The following NAF1 variants were observed in gnomAD, a reference collection of about 807,000 sequenced individuals.
NAF1 encodes nuclear assembly factor 1 ribonucleoprotein.
A neutral mutation model predicts 40.6 loss-of-function variants in NAF1; 11 were observed. The ratio of observed to expected loss-of-function variants is 0.27; its 90% CI spans 0.17 to 0.45. The LOEUF is 0.45. NAF1 is among the 20% of genes least tolerant of loss of function. NAF1 has a pLI of 1.00. For synonymous variants in NAF1, 260 were observed against 228.5 expected (o/e 1.14, Z -1.24); for missense variants, 607 against 611.1 (o/e 0.99, Z 0.07).
downstream of NAF1, among the ~76,000 whole-genome samples, chr4:163,122,838 T>C (rs544548489): frequency 5.8e-4 from 88 of 152,292 alleles, no homozygotes; most frequent in South Asian, 9.1e-3. Context: ...TGCCTTGATA[T>C]TGGACTTCCC....
chr4:163,153,602 G>A (rs1035109585), intron 2 of NAF1, among the ~76,000 whole-genome samples: 2 of 152,156 alleles, frequency 1.3e-5, no homozygotes, highest in Non-Finnish European at 2.9e-5. Context: ...AGCTGCTCTG[G>A]TGGGGCCTTG....
intron 2 of NAF1, among the ~76,000 whole-genome samples, chr4:163,117,827 T>C (rs1730396185): frequency 6.6e-6 from 1 of 152,052 alleles, no homozygotes; most frequent in Admixed American, 6.6e-5. Flanking sequence ...CATATAAAGA[T>C]CAACCCAAAA....
chr4:163,114,793 A>G (rs977389769), intron 2 of NAF1, among the ~76,000 whole-genome samples: 2 of 152,288 alleles, frequency 1.3e-5, no homozygotes, highest in Admixed American at 6.5e-5. Flanking sequence ...GTAAAATTAC[A>G]TATTTTGTCC....
intron 2 of NAF1, among the ~76,000 whole-genome samples, chr4:163,115,677 C>T (rs1446526396): frequency 1.3e-5 from 2 of 152,026 alleles, no homozygotes; most frequent in South Asian, 4.1e-4. Context: ...TTTTTTGTGA[C>T]TGGGCTGACA....
intron 2 of NAF1, among the ~76,000 whole-genome samples, chr4:163,160,521 G>C (rs1400779757): frequency 2.6e-5 from 4 of 152,132 alleles, no homozygotes; most frequent in African/African-American, 9.7e-5. Flanking sequence ...TACATAGTTA[G>C]ATCGCAGAGA....
chr4:163,166,721 C>T lies in NAF1; in HGVS notation c.7G>A (p.Val3Ile), dbSNP rs376190930. Residue 3 changes from valine (V) to isoleucine (I), a missense_variant, in exon 1 of 8, where the codon GTA becomes ATA. By Grantham distance (29) the Val-to-Ile change is conservative. Transcript: ENST00000274054. ME[V>I]VEAAAAQLET... The stretch of plus-strand genomic sequence containing the variant: ...AGCTGAGCGGCGGCGGCCTCCACTA[C>T]CTCCATCGCACCGCGCCAGAAACCG... 11 of 1,613,362 alleles carry T rather than the reference C, an allele frequency of 6.8e-6. No individual in the cohort carries two copies. Among genetic ancestry groups the T allele is most frequent in the Non-Finnish European group, 9.3e-6 (11 of 1,179,972 alleles).
downstream of NAF1, among the ~76,000 whole-genome samples, chr4:163,107,093 TCTCCTGC>T (rs1730060887): frequency 6.6e-6 from 1 of 152,098 alleles, no homozygotes; most frequent in Non-Finnish European, 1.5e-5. Context: ...TTCAAGTGAT[TCTCCTGC>T]CTTAGCCTCC....
intron 5 of NAF1, among the ~76,000 whole-genome samples, chr4:163,137,859 TATA>T (rs1380012303): frequency 2.6e-5 from 4 of 152,098 alleles, no homozygotes; most frequent in Non-Finnish European, 5.9e-5. Flanking sequence ...TGAAGGACAA[TATA>T]ATGACTGGCA....
rs1193416572 is a variant in NAF1 at position 163,166,493 on chromosome 4, G to C, written c.235C>G (p.Pro79Ala). ...PVLNAVAAGT[P>A]APQPQPPAES... The stretch of plus-strand genomic sequence containing the variant: ...GCCGGTGGCTGTGGCTGCGGCGCCG[G>C]GGTCCCGGCCGCGACGGCGTTCAGA... The change falls in exon 1 of 8, where the codon CCG becomes GCG. Residue 79 changes from proline (P) to alanine (A), a missense_variant. By Grantham distance (27) the Pro-to-Ala change is conservative. Coordinates refer to ENST00000274054, the MANE Select transcript of NAF1 (RefSeq NM_138386.3). 1.3e-6 allele frequency: 2 copies of C among 1,599,514 alleles called. No individual in the cohort carries two copies. The highest frequency in any genetic ancestry group is 1.1e-5 in the South Asian group (1 of 89,802).
intron 2 of NAF1, among the ~76,000 whole-genome samples, chr4:163,118,783 AT>A (rs1294268001): frequency 6.6e-6 from 1 of 152,132 alleles, no homozygotes; most frequent in Admixed American, 6.6e-5. Flanking sequence ...AATAAAACTT[AT>A]TTTATATGAG....
At chr4:163,152,832 A>G (rs1731772500) in intron 2 of NAF1, among the ~76,000 whole-genome samples, 1 of 152,186 alleles carries the variant, frequency 6.6e-6, no homozygotes, top group Non-Finnish European at 1.5e-5. Flanking sequence ...CTCAGCTTGC[A>G]GAGAGGTGTG....
intron 2 of NAF1, among the ~76,000 whole-genome samples, chr4:163,110,748 G>C (rs1232289020): frequency 6.6e-6 from 1 of 152,076 alleles, no homozygotes; most frequent in Non-Finnish European, 1.5e-5. Context: ...TTTCCATCAA[G>C]TTAAATTCTA....
chr4:163,108,068 GA>G (rs77954064), downstream of NAF1, among the ~76,000 whole-genome samples: 92 of 152,278 alleles, frequency 6.0e-4, no homozygotes, highest in East Asian at 9.6e-4. Flanking sequence ...TGGAAATTAA[GA>G]AAATTTTTTT....
downstream of NAF1, among the ~76,000 whole-genome samples, chr4:163,124,344 T>C (rs900166703): frequency 3.3e-5 from 5 of 152,300 alleles, no homozygotes; most frequent in African/African-American, 1.2e-4. Context: ...CTTCTTCACA[T>C]GGTGGATGAG....
intron 7 of NAF1, among the ~76,000 whole-genome samples, chr4:163,130,325 T>A (rs922598640): frequency 3.9e-5 from 6 of 152,118 alleles, no homozygotes; most frequent in Non-Finnish European, 8.8e-5. Flanking sequence ...TAAAAATGCT[T>A]CAACAAGATA....
chr4:163,140,912 A>G (rs1731235340), intron 4 of NAF1, among the ~76,000 whole-genome samples: 1 of 152,242 alleles, frequency 6.6e-6, no homozygotes, highest in Non-Finnish European at 1.5e-5. Flanking sequence ...GAAGTTATTT[A>G]TGTTTAAAAA....
At chr4:163,158,229 TG>T (rs1434661751) in intron 2 of NAF1, 1 of 152,104 alleles carries the variant, frequency 6.6e-6, no homozygotes, top group Non-Finnish European at 1.5e-5. Context: ...AATTACCTGA[TG>T]CTATTAGGTG....
At chr4:163,161,709 C>T (rs1732231169) in intron 2 of NAF1, among the ~76,000 whole-genome samples, 1 of 152,198 alleles carries the variant, frequency 6.6e-6, no homozygotes, top group African/African-American at 2.4e-5. Context: ...ATAAGTCGTA[C>T]ATGATATCAC....
At chr4:163,159,048 A>C (rs1159249568) in intron 2 of NAF1, among the ~76,000 whole-genome samples, 1 of 152,118 alleles carries the variant, frequency 6.6e-6, no homozygotes, top group African/African-American at 2.4e-5. Context: ...CAATCAGCAG[A>C]ATTCACTTAT....
Sources: allele counts gnomAD v4.1 joint callset (sites outside exome capture counted in the v4.1 genomes callset), GRCh38; gene constraint gnomAD v4.1.1; transcripts MANE v1.5; gene names NCBI Gene and HGNC (gene_info 2026-07-23, HGNC 2026-07-21).